NGEF: variants seen among roughly 807,000 people sequenced by gnomAD.
NGEF encodes ephexin-1.
A neutral mutation model predicts 80.9 loss-of-function variants in NGEF; 31 were observed. That is an observed-to-expected ratio of 0.38 (90% CI 0.29 to 0.52). NGEF has a LOEUF of 0.52. Ranked by LOEUF, NGEF falls within the 20% of genes least tolerant of loss-of-function variation. The probability of loss-of-function intolerance (pLI) is 0.84; values close to 1 mark genes in which losing one functional copy is unlikely to be tolerated. For synonymous variants in NGEF, 371 were observed against 370.2 expected (o/e 1.00, Z -0.03); for missense variants, 709 against 926.2 (o/e 0.77, Z 3.04).
intron 5 of NGEF, among the ~76,000 whole-genome samples, chr2:232,908,979 T>C (rs1323212272): frequency 6.6e-6 from 1 of 152,214 alleles, no homozygotes. Flanking sequence ...GTGTTTTTAT[T>C]TGATTCTCTC....
intron 4 of NGEF, among the ~76,000 whole-genome samples, chr2:232,926,384 T>A (rs183533106): frequency 2.6e-5 from 4 of 152,042 alleles, no homozygotes; most frequent in South Asian, 2.1e-4. Flanking sequence ...GGGTCACTAT[T>A]TGAATCCATT....
intron 3 of NGEF, among the ~76,000 whole-genome samples, chr2:232,932,448 A>G (rs1419151484): frequency 6.6e-6 from 1 of 152,140 alleles, no homozygotes; most frequent in Non-Finnish European, 1.5e-5. Flanking sequence ...TACAGGCACG[A>G]GTCACCAGGC....
chr2:232,960,376 TGA>T (rs1377764510), intron 3 of NGEF, among the ~76,000 whole-genome samples: 3 of 152,216 alleles, frequency 2.0e-5, no homozygotes, highest in African/African-American at 7.2e-5. Flanking sequence ...CCCAAGGGAC[TGA>T]GTCAGTGACG....
At chr2:232,980,700 T>C (rs1694395747) in intron 1 of NGEF, among the ~76,000 whole-genome samples, 1 of 152,104 alleles carries the variant, frequency 6.6e-6, no homozygotes, top group Non-Finnish European at 1.5e-5. Flanking sequence ...GGTTTCACCA[T>C]GTTGGCCAAG....
chr2:232,890,170 G>A (rs1190539925), intron 8 of NGEF, among the ~76,000 whole-genome samples: 2 of 147,370 alleles, frequency 1.4e-5, no homozygotes, highest in East Asian at 4.1e-4. Context: ...TCCTGATTCT[G>A]GGTCTGTCAG....
chr2:232,899,161 G>A (rs1207898322), intron 5 of NGEF, among the ~76,000 whole-genome samples: 1 of 151,908 alleles, frequency 6.6e-6, no homozygotes, highest in Non-Finnish European at 1.5e-5. Context: ...GTGACAGTGG[G>A]TGAATGTGTA....
intron 5 of NGEF, chr2:232,901,417 C>A: frequency 1.0e-6 from 1 of 985,510 alleles, no homozygotes; most frequent in Non-Finnish European, 1.2e-6. Context: ...CCGTGCATTC[C>A]AGCCTGATTT....
At chr2:232,993,168 A>ATTTATATATATAT (rs1694698807) in intron 1 of NGEF, among the ~76,000 whole-genome samples, 1 of 84,930 alleles carries the variant, frequency 1.2e-5, no homozygotes, top group Non-Finnish European at 2.0e-5. Context: ...TATATATATT[A>ATTTATATATATAT]TATATATAAA....
chr2:232,929,553 C>G (rs1297079590), intron 3 of NGEF, among the ~76,000 whole-genome samples: 2 of 152,192 alleles, frequency 1.3e-5, no homozygotes, highest in African/African-American at 2.4e-5. Context: ...ACGGGCAGGT[C>G]TGGTCTCTTC....
chr2:232,914,539 C>T (rs1437395316), intron 5 of NGEF, among the ~76,000 whole-genome samples: 1 of 151,656 alleles, frequency 6.6e-6, no homozygotes, highest in Non-Finnish European at 1.5e-5. Context: ...CCTATCTCTA[C>T]CAAAAATAGA....
intron 3 of NGEF, among the ~76,000 whole-genome samples, chr2:232,928,906 G>A (rs889167528): frequency 1.3e-5 from 2 of 152,244 alleles, no homozygotes; most frequent in African/African-American, 4.8e-5. Context: ...GAGCAGAAAG[G>A]ACAGTCGGAA....
chr2:232,974,204 T>G (rs1694246234), intron 2 of NGEF, among the ~76,000 whole-genome samples: 1 of 152,224 alleles, frequency 6.6e-6, no homozygotes, highest in African/African-American at 2.4e-5. Flanking sequence ...TCTCATTTAT[T>G]TTCAGAGCAG....
intron 5 of NGEF, among the ~76,000 whole-genome samples, chr2:232,898,623 T>C (rs911450820): frequency 6.6e-6 from 1 of 152,266 alleles, no homozygotes; most frequent in Non-Finnish European, 1.5e-5. Flanking sequence ...CATGGCAGCA[T>C]AGAGCTGACG....
At chr2:232,953,512 A>T (rs34500724) in intron 3 of NGEF, among the ~76,000 whole-genome samples, 56,001 of 143,672 alleles carry the variant, frequency 0.39, 11,375 homozygotes, top group Non-Finnish European at 0.47. Flanking sequence ...TTTTTTTTAA[A>T]AAAAAAAGAA....
At chr2:232,949,636 C>T (rs1321336065) in intron 3 of NGEF, among the ~76,000 whole-genome samples, 1 of 151,658 alleles carries the variant, frequency 6.6e-6, no homozygotes, top group Non-Finnish European at 1.5e-5. Flanking sequence ...CACCACCATG[C>T]CCGGCTAATT....
At chr2:233,007,437 G>A (rs1479024006) in intron 1 of NGEF, among the ~76,000 whole-genome samples, 2 of 152,184 alleles carry the variant, frequency 1.3e-5, no homozygotes, top group Non-Finnish European at 2.9e-5. Context: ...TGCTCAGGCT[G>A]ATCGTGGGTC....
intron 5 of NGEF, among the ~76,000 whole-genome samples, chr2:232,914,043 TA>T (rs1351366396): frequency 2.0e-5 from 3 of 152,240 alleles, no homozygotes; most frequent in Non-Finnish European, 4.4e-5. Context: ...TGCTTTAGAC[TA>T]GGGGTCAGCA....
intron 3 of NGEF, among the ~76,000 whole-genome samples, chr2:232,956,690 GC>G (rs928152824): frequency 1.4e-5 from 2 of 147,808 alleles, no homozygotes; most frequent in Non-Finnish European, 3.0e-5. Context: ...TTGCTCAATC[GC>G]TCAAACCCAG....
At chr2:232,891,296 C>CG in intron 8 of NGEF, 62 bp downstream of exon 8, 1 of 1,597,938 alleles carries the variant, frequency 6.3e-7, no homozygotes, top group Non-Finnish European at 8.5e-7. Flanking sequence ...TGACAGGGCC[C>CG]GGGAATGACC....
Sources: gnomAD v4.1 joint callset for allele counts (sites outside exome capture counted in the v4.1 genomes callset) on GRCh38, gnomAD v4.1.1 for gene constraint, MANE v1.5 for transcripts, NCBI Gene and HGNC (gene_info 2026-07-23, HGNC 2026-07-21) for gene names.